The following STARD9 variants were observed in gnomAD, a reference collection of about 807,000 sequenced individuals.
The protein encoded by STARD9 is stAR-related lipid transfer protein 9.
STARD9 carries 346 observed loss-of-function variants against 399.8 expected under a neutral mutation model. That is an observed-to-expected ratio of 0.87 (90% CI 0.79 to 0.95). The LOEUF (loss-of-function observed/expected upper bound fraction) is 0.95. STARD9 is among the 40% of genes least tolerant of loss of function. STARD9 has a pLI of 0.00. For synonymous variants in STARD9, 2,203 were observed against 2,143.5 expected, an observed-to-expected ratio of 1.03 and a Z score of -0.77; for missense variants, 5,832 against 5,667.5, an observed-to-expected ratio of 1.03 and a Z score of -0.93.
intron 3 of STARD9, among the ~76,000 whole-genome samples, chr15:42,631,525 A>T (rs1003686007): frequency 2.0e-5 from 3 of 152,016 alleles, no homozygotes; most frequent in Non-Finnish European, 2.9e-5. Context: ...AGTTGCAGTG[A>T]GCTGAGATGA....
At chr15:42,658,237 C>T (rs1379131777) in intron 9 of STARD9, among the ~76,000 whole-genome samples, 1 of 151,838 alleles carries the variant, frequency 6.6e-6, no homozygotes, top group Non-Finnish European at 1.5e-5. Context: ...CTCAACCTCC[C>T]GGGCTCAAGT....
intron 20 of STARD9, among the ~76,000 whole-genome samples, chr15:42,679,050 C>G (rs758490307): frequency 3.9e-5 from 6 of 152,150 alleles, no homozygotes; most frequent in Non-Finnish European, 5.9e-5. Flanking sequence ...TAGGGAGAAG[C>G]AGATTGTAAA....
intron 1 of STARD9, among the ~76,000 whole-genome samples, chr15:42,582,859 A>G (rs949286377): frequency 2.0e-5 from 3 of 151,924 alleles, no homozygotes; most frequent in African/African-American, 7.3e-5. Context: ...TGCTCCCCGC[A>G]CTCTCTAGGG....
Position 42,717,917 on chromosome 15 carries a change from T to C in STARD9, c.13560-60T>C, listed in dbSNP as rs2061379466. On this transcript the variant is annotated intron_variant, in intron 29 of 32. Coordinates refer to ENST00000290607, the MANE Select transcript of STARD9 (RefSeq NM_020759.3). ...GTCTTCACTCTGAGCCCCTCCTTTG[T>C]GACCCTTAGAGCCCATTTTTGACCC... 6.6e-6 allele frequency: 10 copies of C among 1,517,190 alleles called. No individual in the cohort carries two copies. The South Asian group carries it at 1.1e-4, about 16-fold the overall frequency. 94.0% of individuals were successfully genotyped at this position (1,517,190 alleles called of 1,614,324 possible).
Position 42,719,642 on chromosome 15 carries a change from C to A in STARD9, c.*68C>A. ...CTGCTCAAGAGAGACACTGTGGCAG[C>A]TCCTTGTTACTTTCCATACCACAGT... On this transcript the variant is annotated 3_prime_UTR_variant, in exon 33 of 33. Transcript: ENST00000290607. 9.8e-7 allele frequency: 1 copy of A among 1,021,220 alleles called. No homozygotes were observed. Among genetic ancestry groups the A allele is most frequent in the Non-Finnish European group, 1.5e-6 (1 of 688,406 alleles). 63.3% of individuals were successfully genotyped at this position (1,021,220 alleles called of 1,614,324 possible). A position where few individuals can be genotyped will look rare whatever the true frequency, so the allele number is the denominator to read the frequency against.
chr15:42,665,994 C>G (rs756495934), intron 15 of STARD9, 146 bp downstream of exon 15: 4 of 706,890 alleles, frequency 5.7e-6, no homozygotes, highest in African/African-American at 1.8e-5. Context: ...AAGCCTTGAC[C>G]GGGGGATGTG....
intron 9 of STARD9, 47 bp downstream of exon 9, chr15:42,652,639 C>G: frequency 7.0e-7 from 1 of 1,426,692 alleles, no homozygotes; most frequent in Non-Finnish European, 9.6e-7. Context: ...CTCCTTGTAC[C>G]TTTAAACCAC....
In STARD9 at chr15:42,699,392, C is replaced by CTTTTTTTTTTTTTT. The variant is rs34614271; in HGVS notation, c.13284+3519_13284+3532dup. ...TCTATGAGATCAACTTTTTTCTTTT[C>CTTTTTTTTTTTTTT]TTTTTTTTTTTTTTTTTTTTGAGAT... On this transcript the variant is annotated intron_variant, in intron 26 of 32. Coordinates refer to ENST00000290607, the MANE Select transcript of STARD9 (RefSeq NM_020759.3). 1.1e-3 allele frequency among the ~76,000 whole-genome samples: 129 copies of CTTTTTTTTTTTTTT among 113,288 alleles called. 12 individuals carry two copies. The highest frequency in any genetic ancestry group is 3.8e-3 in the African/African-American group (93 of 24,550). 74.3% of individuals were successfully genotyped at this position (113,288 alleles called of 152,430 possible).
chr15:42,686,566 C>T lies in STARD9; in HGVS notation c.4988C>T (p.Thr1663Ile). Reference sequence around the variant, plus strand: ...TGTCACAGTAATGTCACTACAGCCACCAAAGCAGACCATTGGTCCCAAGGC... The same window carrying T: ...TGTCACAGTAATGTCACTACAGCCATCAAAGCAGACCATTGGTCCCAAGGC... ...NACHSNVTTA[T>I]KADHWSQGWA... The change falls in exon 23 of 33, where the codon ACC (threonine) becomes ATC (isoleucine). Residue 1663 changes from threonine (T) to isoleucine (I), a missense_variant. By Grantham distance (89) the Thr-to-Ile change is moderately conservative. Around this residue, in one of 2 missense-constraint regions of STARD9, gnomAD observed 5,828 missense variants for 5,651.1 expected, o/e 1.03. Transcript: ENST00000290607. The T allele has an allele frequency of 6.5e-7, 1 of 1,537,492 alleles. No individual in the cohort carries two copies. Among genetic ancestry groups the T allele is most frequent in the South Asian group, 1.2e-5 (1 of 84,062 alleles).
chr15:42,705,253 TATC>T (rs2061050950), intron 26 of STARD9, among the ~76,000 whole-genome samples: 1 of 152,212 alleles, frequency 6.6e-6, no homozygotes, highest in Non-Finnish European at 1.5e-5. Flanking sequence ...TCCTTCCTAT[TATC>T]TTTAATGCAT....
intron 1 of STARD9, among the ~76,000 whole-genome samples, chr15:42,577,395 T>C (rs900343862): frequency 5.3e-5 from 8 of 152,218 alleles, no homozygotes; most frequent in Non-Finnish European, 1.2e-4. Context: ...CCTCGTGATC[T>C]GCCCGCCTGG....
At position 42,693,006 on chromosome 15, in the gene STARD9, C is replaced by T. The variant is rs2060750949; in HGVS notation, c.11428C>T (p.Gln3810Ter). The change falls in exon 23 of 33, where the codon CAG becomes TAG. Residue 3810 changes from glutamine (Q) to a stop codon, truncating the protein, a stop_gained. Coordinates refer to ENST00000290607, the MANE Select transcript of STARD9 (RefSeq NM_020759.3). LOFTEE classifies it high-confidence loss of function. ...LQEESTPYKPQSPSIPSSHLR... is the reference protein window; with the variant it reads ...LQEESTPYKP ...GGAAGAAAGCACTCCCTACAAGCCC[C>T]AGAGCCCTTCAATACCCTCATCCCA... is the stretch of plus-strand genomic sequence containing the variant. The T allele has an allele frequency of 6.5e-7, 1 of 1,537,226 alleles. No individual in the cohort carries two copies. Among genetic ancestry groups the T allele is most frequent in the Non-Finnish European group, 8.7e-7 (1 of 1,146,906 alleles).
intron 26 of STARD9, among the ~76,000 whole-genome samples, chr15:42,716,424 TG>T (rs1208283956): frequency 6.6e-6 from 1 of 152,116 alleles, no homozygotes; most frequent in Non-Finnish European, 1.5e-5. Context: ...AGGCCCTGGT[TG>T]TTTTGATCCC....
rs1249202303 is a variant in STARD9, at chr15:42,663,500, A to T, written c.1078+10A>T. Reference sequence around the variant, plus strand: ...ACCATCATGGTTGCCAGTGAGTGGGATGCCAGAGCTGGACCTGTGTTGGGA... The same window carrying T: ...ACCATCATGGTTGCCAGTGAGTGGGTTGCCAGAGCTGGACCTGTGTTGGGA... On this transcript the variant is annotated intron_variant, in intron 12 of 32. Coordinates refer to ENST00000290607, the MANE Select transcript of STARD9 (RefSeq NM_020759.3). 2 of 1,537,038 alleles carry T rather than the reference A, an allele frequency of 1.3e-6. No individual in the cohort carries two copies. The highest frequency in any genetic ancestry group is 1.7e-6 in the Non-Finnish European group (2 of 1,146,810).
Position 42,661,216 on chromosome 15 carries a change from T to C in STARD9, c.761T>C (p.Leu254Pro). 1 of 1,536,214 alleles carries C rather than the reference T, an allele frequency of 6.5e-7. No individual in the cohort carries two copies. The highest frequency in any genetic ancestry group is 8.7e-7 in the Non-Finnish European group (1 of 1,145,964). ...GCTAGCAAGATCAACCTTGTGGACC[T>C]AGCAGGCAGGTAATTAGGATTTTAA... ...EMASKINLVD[L>P]AGSERADPSY... Residue 254 changes from leucine to proline, a missense_variant, in exon 10 of 33, where the codon CTA (leucine) becomes CCA (proline). Coordinates refer to ENST00000290607, the MANE Select transcript of STARD9 (RefSeq NM_020759.3).
chr15:42,610,256 C>T (rs960363247), intron 3 of STARD9, among the ~76,000 whole-genome samples: 2 of 152,110 alleles, frequency 1.3e-5, no homozygotes, highest in African/African-American at 4.8e-5. Context: ...ACTTCCCAGC[C>T]CCACTTGGTT....
chr15:42,690,526 G>A lies in STARD9; in HGVS notation c.8948G>A (p.Gly2983Glu). ...TLLCFRDGDL[G>E]KEPFKAAPHT... ...CTGTGTTTTAGAGATGGTGACCTAG[G>A]GAAGGAGCCTTTCAAGGCTGCCCCA... The change falls in exon 23 of 33, where the codon GGG becomes GAG. Residue 2983 changes from glycine to glutamate, a missense_variant. Physicochemically the swap from Gly to Glu is moderately conservative, Grantham distance 98. Around this residue, in one of 2 missense-constraint regions of STARD9, gnomAD observed 5,828 missense variants for 5,651.1 expected, o/e 1.03. Coordinates refer to ENST00000290607, the MANE Select transcript of STARD9 (RefSeq NM_020759.3). 6.5e-7 allele frequency: 1 copy of A among 1,537,142 alleles called. No homozygotes were observed. The highest frequency in any genetic ancestry group is 1.2e-5 in the South Asian group (1 of 84,058).
At position 42,718,099 on chromosome 15, in the gene STARD9, A is replaced by AC; in HGVS notation, c.13686dup (p.Thr4563HisfsTer65). The AC allele has an allele frequency of 6.5e-7, 1 of 1,536,906 alleles. No homozygotes were observed. The highest frequency in any genetic ancestry group is 2.4e-5 in the East Asian group (1 of 40,890). On this transcript the variant is annotated frameshift_variant, in exon 30 of 33. Transcript: ENST00000290607. LOFTEE classifies it high-confidence loss of function. ...TCTCGTGTGTGGGCGGCTGTCAGTGACCCCACTGTGTGGCCCCTGTATTAC... is the reference window on the plus strand; with the variant it reads ...TCTCGTGTGTGGGCGGCTGTCAGTGACCCCCACTGTGTGGCCCCTGTATTAC...
In STARD9 at chr15:42,609,987, C is replaced by T. The variant is rs56259159; in HGVS notation, c.234+24350C>T. The stretch of plus-strand genomic sequence containing the variant: ...GGGCTCCTGTAATCCCAGCTACTCG[C>T]GAGGCTGAGGCAGGAGAATCACTTG... On this transcript the variant is annotated intron_variant, in intron 3 of 32. Transcript: ENST00000290607. Among the ~76,000 whole-genome samples the T allele has an allele frequency of 2.6e-5, 4 of 151,864 alleles. No individual in the cohort carries two copies. In the South Asian group the frequency reaches 6.3e-4, roughly 24 times the overall value.
Sources: allele counts gnomAD v4.1 joint callset (sites outside exome capture counted in the v4.1 genomes callset), GRCh38; gene constraint gnomAD v4.1.1; regional missense constraint gnomAD v4.1.1; transcripts MANE v1.5; gene names NCBI Gene and HGNC (gene_info 2026-07-23, HGNC 2026-07-21).